CDH3: variants seen among roughly 807,000 people sequenced by gnomAD.
CDH3 encodes cadherin 3, also known as cadherin-3.
CDH3 carries 54 observed loss-of-function variants against 82.0 expected under a neutral mutation model. That is an observed-to-expected ratio of 0.66 (90% CI 0.53 to 0.83). The LOEUF (loss-of-function observed/expected upper bound fraction) is 0.83, where lower values mean the gene tolerates loss of function less well. CDH3 is among the 40% of genes least tolerant of loss of function. The pLI is 0.00. For missense variants in CDH3, 1,054 were observed against 1,084.6 expected, an observed-to-expected ratio of 0.97 and a Z score of 0.40; for synonymous variants, 446 against 437.9, an observed-to-expected ratio of 1.02 and a Z score of -0.23.
chr16:68,687,489 A>G (rs1264596631), intron 11 of CDH3, 23 bp from the exon 12 acceptor site: 5 of 1,602,162 alleles, frequency 3.1e-6, no homozygotes, highest in Non-Finnish European at 4.3e-6. Flanking sequence ...CAGGGAGCTC[A>G]TCATATGTGT....
rs574262103 is a variant in CDH3 at position 68,685,272 on chromosome 16, G to C, written c.1492G>C (p.Val498Leu). Residue 498 changes from valine (V) to leucine (L), a missense_variant, in exon 11 of 16, where the codon GTG becomes CTG. Physicochemically the swap from Val to Leu is conservative, Grantham distance 32 (BLOSUM62 1). Transcript: ENST00000264012. Reference sequence around the variant, plus strand: ...CCCAGACAGTGGGCAGGTCACAGCTGTGGGCACCCTCGACCGTGAGGATGA... The same window carrying C: ...CCCAGACAGTGGGCAGGTCACAGCTCTGGGCACCCTCGACCGTGAGGATGA... ...MDPDSGQVTA[V>L]GTLDREDEQF... 2.5e-6 allele frequency: 4 copies of C among 1,614,168 alleles called. No individual in the cohort carries two copies. Among genetic ancestry groups the C allele is most frequent in the Non-Finnish European group, 3.4e-6 (4 of 1,180,004 alleles).
Position 68,645,392 on chromosome 16 carries a change from C to A in CDH3, c.13C>A (p.Arg5Ser). 1.9e-6 allele frequency: 3 copies of A among 1,613,460 alleles called. No homozygotes were observed. The highest frequency in any genetic ancestry group is 2.5e-6 in the Non-Finnish European group (3 of 1,179,748). MGLP[R>S]GPLASLLLLQ... The stretch of plus-strand genomic sequence containing the variant: ...TCTCTCTGCAGCCATGGGGCTCCCT[C>A]GTGGACCTCTCGCGTCTCTCCTCCT... The change falls in exon 1 of 16, where the codon CGT (arginine) becomes AGT (serine). Residue 5 changes from arginine to serine, a missense_variant. Physicochemically the swap from Arg to Ser is moderately radical, Grantham distance 110. Transcript: ENST00000264012.
chr16:68,670,490 G>T (rs1960858151), intron 2 of CDH3, among the ~76,000 whole-genome samples: 1 of 152,040 alleles, frequency 6.6e-6, no homozygotes, highest in African/African-American at 2.4e-5. Context: ...AAATGGTTTT[G>T]CTCTGTCTCC....
chr16:68,679,651 C>A, intron 6 of CDH3, 148 bp from the exon 7 acceptor site: 1 of 602,798 alleles, frequency 1.7e-6, no homozygotes, highest in South Asian at 2.0e-5. Context: ...GTCGAGATCA[C>A]ACCATTGCAC....
chr16:68,694,186 C>T (rs1253505544), intron 13 of CDH3, among the ~76,000 whole-genome samples: 2 of 151,388 alleles, frequency 1.3e-5, no homozygotes, highest in Non-Finnish European at 2.9e-5. Flanking sequence ...ATAAATGGGC[C>T]CCTGTAATCT....
chr16:68,682,202 A>G (rs1305339637), intron 8 of CDH3, 100 bp from the exon 9 acceptor site: 17 of 1,343,368 alleles, frequency 1.3e-5, no homozygotes, highest in African/African-American at 4.3e-5. Flanking sequence ...GGAAAGGGTA[A>G]AGGCATGGGG....
chr16:68,645,536 A>C, intron 1 of CDH3, 100 bp from the exon 2 acceptor site: 1 of 1,449,020 alleles, frequency 6.9e-7, no homozygotes, highest in Non-Finnish European at 9.4e-7. Flanking sequence ...CCCTGGGGCC[A>C]AGGGAGTCCC....
chr16:68,662,868 T>G (rs1333617909), intron 2 of CDH3, among the ~76,000 whole-genome samples: 1 of 76,446 alleles, frequency 1.3e-5, no homozygotes, highest in Non-Finnish European at 2.7e-5. Flanking sequence ...TTTAAAGTTT[T>G]TTTTTTTTTT....
At chr16:68,733,481 A>C in the CDH3 span, among the ~76,000 whole-genome samples, 4 of 152,084 alleles carry the variant, frequency 2.6e-5, no homozygotes, top group African/African-American at 9.6e-5. Context: ...AGTGGCTCAC[A>C]CCTGTAATCC....
intron 5 of CDH3, 42 bp downstream of exon 5, chr16:68,678,698 G>C (rs376349856): frequency 3.3e-5 from 53 of 1,614,046 alleles, no homozygotes; most frequent in Non-Finnish European, 4.0e-5. Flanking sequence ...CCCCTCAGAA[G>C]TGGGATCCTA....
chr16:68,670,255 A>T (rs565117518), intron 2 of CDH3, among the ~76,000 whole-genome samples: 1 of 150,016 alleles, frequency 6.7e-6, no homozygotes, highest in Non-Finnish European at 1.5e-5. Flanking sequence ...GAACATCATT[A>T]GTACTTAAGT....
At chr16:68,664,686 G>T (rs915081812) in intron 2 of CDH3, among the ~76,000 whole-genome samples, 1 of 152,084 alleles carries the variant, frequency 6.6e-6, no homozygotes, top group Non-Finnish European at 1.5e-5. Context: ...TTGAGACAGG[G>T]TCTCTCTCTG....
At chr16:68,646,042 T>G in intron 2 of CDH3, 2 of 443,208 alleles carry the variant, frequency 4.5e-6, no homozygotes, top group Non-Finnish European at 8.2e-6. Context: ...ACGTGGGAAG[T>G]TCTCCCCCGC....
chr16:68,651,588 GAC>G, intron 2 of CDH3: 1 of 500,444 alleles, frequency 2.0e-6, no homozygotes, highest in South Asian at 1.6e-5. Flanking sequence ...GGCAAGAAGA[GAC>G]ACCTGCACCT....
At chr16:68,695,192 C>T (rs938920994) in intron 13 of CDH3, 63 bp from the exon 14 acceptor site, 4 of 1,589,218 alleles carry the variant, frequency 2.5e-6, no homozygotes, top group Admixed American at 1.7e-5. Context: ...GCTCTGAGGG[C>T]CTGGGGGTCT....
intron 2 of CDH3, among the ~76,000 whole-genome samples, chr16:68,725,343 T>A (rs909837442): frequency 6.6e-6 from 1 of 152,026 alleles, no homozygotes; most frequent in Non-Finnish European, 1.5e-5. Context: ...CCCAATTCTT[T>A]TTTTTTTTGA....
intron 2 of CDH3, among the ~76,000 whole-genome samples, chr16:68,654,310 T>G (rs1421069392): frequency 2.0e-5 from 3 of 147,508 alleles, no homozygotes; most frequent in Non-Finnish European, 4.5e-5. Flanking sequence ...CTACCCGCCT[T>G]GGCCTCCCAA....
chr16:68,714,017 T>C (rs1242358450), intron 1 of CDH3, among the ~76,000 whole-genome samples: 1 of 151,966 alleles, frequency 6.6e-6, no homozygotes, highest in Non-Finnish European at 1.5e-5. Flanking sequence ...CACTGCAACC[T>C]CCGCCCCCTG....
chr16:68,678,689 C>A (rs767499381), intron 5 of CDH3, 33 bp downstream of exon 5: 2 of 1,614,096 alleles, frequency 1.2e-6, no homozygotes, highest in Non-Finnish European at 1.7e-6. Context: ...TGTAAATGTC[C>A]CCTCAGAAGT....
Sources: gnomAD v4.1 joint callset for allele counts (sites outside exome capture counted in the v4.1 genomes callset) on GRCh38, gnomAD v4.1.1 for gene constraint, MANE v1.5 for transcripts, NCBI Gene and HGNC (gene_info 2026-07-23, HGNC 2026-07-21) for gene names.